FAM177B: variants seen among roughly 807,000 people sequenced by gnomAD.
FAM177B encodes protein FAM177B.
In FAM177B, 16 loss-of-function variants were observed where a neutral mutation model predicts 16.1. The ratio of observed to expected loss-of-function variants is 0.99; its 90% confidence interval spans 0.67 to 1.51. The LOEUF (loss-of-function observed/expected upper bound fraction) is 1.51. FAM177B is among the 40% of genes most tolerant of loss of function. The pLI, the probability that FAM177B is intolerant of heterozygous loss-of-function variation, is 0.00. For missense variants in FAM177B, 178 were observed against 183.7 expected (o/e 0.97, Z 0.18); for synonymous variants, 56 against 59.9 (o/e 0.93, Z 0.30).
At chr1:222,744,801 A>G (rs556885460) in intron 2 of FAM177B, among the ~76,000 whole-genome samples, 1 of 152,362 alleles carries the variant, frequency 6.6e-6, no homozygotes, top group Admixed American at 6.5e-5. Context: ...TACCTTAAAT[A>G]CAATAAAATG....
intron 2 of FAM177B, among the ~76,000 whole-genome samples, chr1:222,745,543 G>A (rs554374782): frequency 6.6e-6 from 1 of 152,288 alleles, no homozygotes; most frequent in South Asian, 2.1e-4. Context: ...CTTAAGCCTG[G>A]GAGGTAAGGG....
chr1:222,744,516 T>C (rs1390390924), intron 2 of FAM177B, among the ~76,000 whole-genome samples: 1 of 151,836 alleles, frequency 6.6e-6, no homozygotes, highest in Non-Finnish European at 1.5e-5. Flanking sequence ...TACGTATCCT[T>C]ACAACATTGG....
In FAM177B at chr1:222,737,938, A is replaced by T. The variant is rs973735985; in HGVS notation, c.-99A>T. ...GAGGTGTGATTAAAGAAGAACCAAG[A>T]ATGACTTTAGTGTTGTTGGCCTGAG... On this transcript the variant is annotated 5_prime_UTR_variant, in exon 2 of 6. Coordinates refer to ENST00000445590, the MANE Select transcript of FAM177B (RefSeq NM_001394345.1). The T allele has an allele frequency of 7.2e-5, 11 of 152,180 alleles. No homozygotes were observed. Among genetic ancestry groups the T allele is most frequent in the African/African-American group, 2.2e-4 (9 of 41,422 alleles). The allele number at this position is 152,180 out of a possible 1,614,324, so 9.4% of individuals were successfully genotyped here. A position where few individuals can be genotyped will look rare whatever the true frequency, so the allele number is the denominator to read the frequency against.
At chr1:222,741,951 TTTCC>T (rs1471786708) in intron 2 of FAM177B, among the ~76,000 whole-genome samples, 7 of 137,634 alleles carry the variant, frequency 5.1e-5, no homozygotes, top group Non-Finnish European at 9.3e-5. Context: ...TCTTTCTTTC[TTTCC>T]TTCCTTCTTT....
chr1:222,749,772 A>T (rs1020481131), intron 5 of FAM177B, 149 bp from the exon 6 acceptor site: 101 of 903,270 alleles, frequency 1.1e-4, no homozygotes, highest in African/African-American at 7.0e-4. Flanking sequence ...TTAGGATGTC[A>T]TGAGCTGTGT....
chr1:222,750,276 GA>G lies in FAM177B; in HGVS notation c.*220del, dbSNP rs1658994752. On this transcript the variant is annotated 3_prime_UTR_variant, in exon 6 of 6. Coordinates refer to ENST00000445590, the MANE Select transcript of FAM177B (RefSeq NM_001394345.1). ...GAGAGTAATTTTGGACACTTTCTCA[GA>G]ATAATTTCTATATTCAAGCCACCCC... is the stretch of plus-strand genomic sequence containing the variant. 1 of 1,351,486 alleles carries G rather than the reference GA, an allele frequency of 7.4e-7. No homozygotes were observed. The allele number at this position is 1,351,486 out of a possible 1,614,324, so 83.7% of individuals were successfully genotyped here.
At position 222,749,406 on chromosome 1, in the gene FAM177B, A is replaced by G. The variant is rs1383851941; in HGVS notation, c.242-59A>G. 7.3e-6 allele frequency: 7 copies of G among 962,734 alleles called. No individual in the cohort carries two copies. In the African/African-American group the frequency reaches 1.1e-4, roughly 16 times the overall value. 59.6% of individuals were successfully genotyped at this position (962,734 alleles called of 1,614,324 possible). A position where few individuals can be genotyped will look rare whatever the true frequency, so the allele number is the denominator to read the frequency against. On this transcript the variant is annotated intron_variant, in intron 4 of 5. Coordinates refer to ENST00000445590, the MANE Select transcript of FAM177B (RefSeq NM_001394345.1). ...AATAGTTTAAACTCTGGGCATCTCA[A>G]CTGATGCGAAGCTTTAGTTAGTAAT...
chr1:222,743,419 A>C (rs1658641662), intron 2 of FAM177B, among the ~76,000 whole-genome samples: 1 of 152,082 alleles, frequency 6.6e-6, no homozygotes, highest in Non-Finnish European at 1.5e-5. Flanking sequence ...TGCCCTCCCA[A>C]AGTTCTGGGA....
intron 2 of FAM177B, among the ~76,000 whole-genome samples, chr1:222,742,192 T>C (rs1028771575): frequency 9.2e-5 from 14 of 152,192 alleles, no homozygotes; most frequent in East Asian, 3.9e-4. Context: ...ATATTAAATA[T>C]ATATCTCTTT....
In FAM177B at chr1:222,747,000, T is replaced by A; in HGVS notation, c.175-15T>A. 5 of 1,574,994 alleles carry A rather than the reference T, an allele frequency of 3.2e-6. No individual in the cohort carries two copies. The highest frequency in any genetic ancestry group is 4.4e-6 in the Non-Finnish European group (5 of 1,144,458). On this transcript the variant is annotated splice_polypyrimidine_tract_variant and intron_variant, in intron 3 of 5. Coordinates refer to ENST00000445590, the MANE Select transcript of FAM177B (RefSeq NM_001394345.1). ...CTCTTATTAACTACTCTATCTCAATTTCTCCTTTTTTCAGTCTAAACTTTC... is the reference window on the plus strand; with the variant it reads ...CTCTTATTAACTACTCTATCTCAATATCTCCTTTTTTCAGTCTAAACTTTC...
At chr1:222,745,811 G>T (rs1305912842) in intron 2 of FAM177B, among the ~76,000 whole-genome samples, 1 of 152,176 alleles carries the variant, frequency 6.6e-6, no homozygotes, top group Non-Finnish European at 1.5e-5. Context: ...CTACTCAGGA[G>T]GCAGAGGCAA....
At chr1:222,745,938 C>G (rs1475959960) in intron 2 of FAM177B, among the ~76,000 whole-genome samples, 3 of 152,022 alleles carry the variant, frequency 2.0e-5, no homozygotes, top group Admixed American at 2.0e-4. Flanking sequence ...AGAAAATTAG[C>G]CATTACAGTG....
chr1:222,745,360 T>G (rs1658743117), intron 2 of FAM177B, among the ~76,000 whole-genome samples: 1 of 152,138 alleles, frequency 6.6e-6, no homozygotes, highest in Admixed American at 6.5e-5. Context: ...ATCTGTAATC[T>G]CAGCACTTTG....
chr1:222,742,493 A>G lies in FAM177B; in HGVS notation c.-15-4038A>G, dbSNP rs367962095. The G allele has an allele frequency of 5.9e-5, 9 of 152,288 alleles. No individual in the cohort carries two copies. The South Asian group carries it at 1.9e-3, about 32-fold the overall frequency. 9.4% of individuals were successfully genotyped at this position (152,288 alleles called of 1,614,324 possible). A position where few individuals can be genotyped will look rare whatever the true frequency, so the allele number is the denominator to read the frequency against. On this transcript the variant is annotated intron_variant, in intron 2 of 5. Transcript: ENST00000445590. The stretch of plus-strand genomic sequence containing the variant: ...AGGGGAACTACTGTTTGGGAAAGCT[A>G]TTATTAGGTAAATGTTTTAAAAATT...
chr1:222,738,972 C>T (rs963090086), intron 2 of FAM177B, among the ~76,000 whole-genome samples: 2 of 152,184 alleles, frequency 1.3e-5, no homozygotes, highest in African/African-American at 4.8e-5. Context: ...CCAAAGAGCC[C>T]TCTGAACTTA....
At chr1:222,744,680 C>T (rs567641962) in intron 2 of FAM177B, among the ~76,000 whole-genome samples, 1 of 152,188 alleles carries the variant, frequency 6.6e-6, no homozygotes, top group East Asian at 1.9e-4. Context: ...GGCACTATAT[C>T]ATTTCATACT....
Position 222,749,937 on chromosome 1 carries a change from G to C in FAM177B, c.356G>C (p.Ser119Thr). The part of the protein sequence containing the change: ...RIQNKKSDNK[S>T]ERRGSKAQAA... ...CCAAAACAGAAAAGTGACAACAAAA[G>C]TGAAAGGAGAGGATCAAAGGCCCAG... The change falls in exon 6 of 6, where the codon AGT becomes ACT. Residue 119 changes from serine to threonine, a missense_variant. Ser to Thr is a moderately conservative substitution (Grantham distance 58). Coordinates refer to ENST00000445590, the MANE Select transcript of FAM177B (RefSeq NM_001394345.1). The C allele has an allele frequency of 6.2e-7, 1 of 1,614,132 alleles. No individual in the cohort carries two copies. Among genetic ancestry groups the C allele is most frequent in the Non-Finnish European group, 8.5e-7 (1 of 1,179,988 alleles).
rs113669359 is a variant in FAM177B, at chr1:222,741,704, T to TTTCC, written c.-16+3704_-16+3707dup. 7.9e-4 allele frequency among the ~76,000 whole-genome samples: 119 copies of TTTCC among 151,076 alleles called. 1 individual carries two copies. Among genetic ancestry groups the TTTCC allele is most frequent in the African/African-American group, 1.8e-3 (75 of 41,150 alleles). On this transcript the variant is annotated intron_variant, in intron 2 of 5. Transcript: ENST00000445590. Reference sequence around the variant, plus strand: ...TGCACCACCTTGCTCAACTCTCTCTTTTCCTTCCTTCCTTCCTTCCTTCCC... The same window carrying TTTCC: ...TGCACCACCTTGCTCAACTCTCTCTTTTCCTTCCTTCCTTCCTTCCTTCCTTCCC...
At position 222,749,451 on chromosome 1, in the gene FAM177B, G is replaced by A. The variant is rs151202441; in HGVS notation, c.242-14G>A. The A allele has an allele frequency of 3.6e-5, 56 of 1,544,200 alleles. 1 individual carries two copies. The highest frequency in any genetic ancestry group is 1.7e-4 in the Admixed American group (10 of 57,482). On this transcript the variant is annotated splice_polypyrimidine_tract_variant and intron_variant, in intron 4 of 5. Transcript: ENST00000445590. ...AGTAATTCAGTTTACGCAAGTGCTC[G>A]TTCTTTCTTTTAGCATGTGAATTCC...
Sources: gnomAD v4.1 joint callset for allele counts (sites outside exome capture counted in the v4.1 genomes callset) on GRCh38, gnomAD v4.1.1 for gene constraint, MANE v1.5 for transcripts, NCBI Gene and HGNC (gene_info 2026-07-23, HGNC 2026-07-21) for gene names.